Variants in DNER observed in about 807,000 individuals in gnomAD.
DNER encodes delta and Notch-like epidermal growth factor-related receptor.
In DNER, 33 loss-of-function variants were observed where a neutral mutation model predicts 78.2. The ratio of observed to expected loss-of-function variants is 0.42; its 90% CI spans 0.32 to 0.56. The LOEUF is 0.56. DNER is among the 20% of genes least tolerant of loss of function. DNER has a pLI of 0.11. For synonymous variants in DNER, 417 were observed against 384.8 expected, an observed-to-expected ratio of 1.08 and a Z score of -0.98; for missense variants, 918 against 975.3, an observed-to-expected ratio of 0.94 and a Z score of 0.78.
Position 229,528,043 on chromosome 2 carries a change from T to C in DNER, c.994-15107A>G, listed in dbSNP as rs146694030. 5.3e-3 allele frequency among the ~76,000 whole-genome samples: 812 copies of C among 152,380 alleles called. 7 individuals carry two copies. The highest frequency in any genetic ancestry group is 0.018 in the African/African-American group (754 of 41,594). On this transcript the variant is annotated intron_variant, in intron 5 of 12. Transcript: ENST00000341772. ...ACATGCCAGTGAATGGAGCATGTGC[T>C]AATGACTCGAACTCAGAAATTTAAG...
rs57321236 is a variant in DNER at position 229,519,265 on chromosome 2, G to A, written c.994-6329C>T. On this transcript the variant is annotated intron_variant, in intron 5 of 12. Transcript: ENST00000341772. ...CTGTCATTTTACCTCTCTCAGTAAC[G>A]CCTGTGTGTTGGTGAACAAATCATT... Among the ~76,000 whole-genome samples the A allele has an allele frequency of 1.1e-3, 171 of 152,162 alleles. 1 individual carries two copies. Among genetic ancestry groups the A allele is most frequent in the African/African-American group, 3.8e-3 (156 of 41,506 alleles).
At chr2:229,575,284 C>T (rs959218051) in intron 4 of DNER, among the ~76,000 whole-genome samples, 12 of 152,070 alleles carry the variant, frequency 7.9e-5, no homozygotes, top group Non-Finnish European at 1.5e-5. Flanking sequence ...CAATCCCCCA[C>T]GTAATGGATC....
chr2:229,479,830 C>G (rs1214390532), intron 6 of DNER, among the ~76,000 whole-genome samples: 1 of 152,016 alleles, frequency 6.6e-6, no homozygotes, highest in Non-Finnish European at 1.5e-5. Flanking sequence ...TTTCAAATCC[C>G]TGACTTTAAA....
intron 8 of DNER, among the ~76,000 whole-genome samples, chr2:229,433,525 C>A (rs1694061614): frequency 1.3e-5 from 2 of 152,200 alleles, no homozygotes; most frequent in Admixed American, 1.3e-4. Context: ...ATAGCTGTGG[C>A]ACAATGTGTT....
chr2:229,558,218 C>T (rs182691979), intron 4 of DNER, among the ~76,000 whole-genome samples: 249 of 152,072 alleles, frequency 1.6e-3, no homozygotes, highest in Admixed American at 7.7e-3. Context: ...CACACACTGG[C>T]GCCTTTTGGA....
At chr2:229,593,290 C>A (rs907151611) in intron 1 of DNER, among the ~76,000 whole-genome samples, 3 of 152,164 alleles carry the variant, frequency 2.0e-5, no homozygotes, top group Admixed American at 2.0e-4. Flanking sequence ...CTGTCCTCAC[C>A]CTGTCTCTCT....
intron 4 of DNER, among the ~76,000 whole-genome samples, chr2:229,558,300 TA>T (rs1432093392): frequency 1.3e-5 from 2 of 151,878 alleles, no homozygotes; most frequent in African/African-American, 2.4e-5. Context: ...ACCTGGGTGA[TA>T]AAATAATCTG....
chr2:229,518,886 C>T lies in DNER; in HGVS notation c.994-5950G>A, dbSNP rs141732472. On this transcript the variant is annotated intron_variant, in intron 5 of 12. Coordinates refer to ENST00000341772, the MANE Select transcript of DNER (RefSeq NM_139072.4). ...CCAAGAAAATTCACTCATTTAAGTG[C>T]CACAGTTTTGCTAGTCTTTAGAACT... Among the ~76,000 whole-genome samples the T allele has an allele frequency of 9.6e-4, 146 of 152,242 alleles. 1 individual carries two copies. The highest frequency in any genetic ancestry group is 3.4e-3 in the African/African-American group (140 of 41,536).
At chr2:229,641,293 A>T (rs1413899675) in intron 1 of DNER, among the ~76,000 whole-genome samples, 1 of 152,198 alleles carries the variant, frequency 6.6e-6, no homozygotes, top group Non-Finnish European at 1.5e-5. Context: ...AGTTGGATGG[A>T]TCTTTAATAG....
chr2:229,531,247 G>T (rs1486298253), intron 5 of DNER, among the ~76,000 whole-genome samples: 1 of 152,130 alleles, frequency 6.6e-6, no homozygotes. Context: ...CAGGAGTGCT[G>T]CTCTCAATCA....
At chr2:229,678,841 AGATACCTAC>A (rs1434677123) in intron 1 of DNER, among the ~76,000 whole-genome samples, 1 of 152,246 alleles carries the variant, frequency 6.6e-6, no homozygotes, top group African/African-American at 2.4e-5. Flanking sequence ...ATTGACAGAA[AGATACCTAC>A]AGACAGTTAG....
chr2:229,441,814 A>G (rs1444276894), intron 8 of DNER, among the ~76,000 whole-genome samples: 1 of 152,196 alleles, frequency 6.6e-6, no homozygotes, highest in East Asian at 1.9e-4. Flanking sequence ...TCTTAAGTCC[A>G]GCAGAAGACA....
At chr2:229,648,815 A>C (rs1698763747) in intron 1 of DNER, among the ~76,000 whole-genome samples, 1 of 152,234 alleles carries the variant, frequency 6.6e-6, no homozygotes, top group South Asian at 2.1e-4. Flanking sequence ...CAAATGCAAA[A>C]AGCTAATAGA....
chr2:229,662,314 G>A (rs1699021911), intron 1 of DNER, among the ~76,000 whole-genome samples: 1 of 152,034 alleles, frequency 6.6e-6, no homozygotes. Flanking sequence ...CATCCAAAAG[G>A]GTACACTGTT....
intron 7 of DNER, among the ~76,000 whole-genome samples, chr2:229,464,533 G>A (rs1694763872): frequency 6.6e-6 from 1 of 151,956 alleles, no homozygotes; most frequent in Admixed American, 6.6e-5. Context: ...AAAATAATTG[G>A]CTATTGACAA....
rs150247412 is a variant in DNER, at chr2:229,374,881, G to C, written c.1856-7762C>G. On this transcript the variant is annotated intron_variant, in intron 11 of 12. Transcript: ENST00000341772. ...GTTGTGTGTGTTTGTGTGTATATTAGGCTGTGTGTTACATGCAGCGTCAAG... is the reference window on the plus strand; with the variant it reads ...GTTGTGTGTGTTTGTGTGTATATTACGCTGTGTGTTACATGCAGCGTCAAG... 2.2e-4 allele frequency among the ~76,000 whole-genome samples: 33 copies of C among 152,258 alleles called. 1 individual carries two copies. In the East Asian group the frequency reaches 6.2e-3, roughly 28 times the overall value.
intron 1 of DNER, among the ~76,000 whole-genome samples, chr2:229,646,589 G>A (rs978089958): frequency 2.0e-5 from 3 of 152,276 alleles, no homozygotes; most frequent in East Asian, 3.9e-4. Flanking sequence ...ACAGATGCTC[G>A]TTACACAACA....
rs182040945 is a variant in DNER, at chr2:229,484,091, A to G, written c.1148-6838T>C. ...ACCTCTGGACCCTCCAAACTTAAAC[A>G]TTTCCTGGCACAATTATTTGTTGAA... On this transcript the variant is annotated intron_variant, in intron 6 of 12. Transcript: ENST00000341772. Among the ~76,000 whole-genome samples, 23 of 152,208 alleles carry G rather than the reference A, an allele frequency of 1.5e-4. No individual in the cohort carries two copies. In the East Asian group the frequency reaches 3.9e-3, roughly 26 times the overall value.
chr2:229,481,794 T>C (rs1695163587), intron 6 of DNER, among the ~76,000 whole-genome samples: 2 of 152,188 alleles, frequency 1.3e-5, no homozygotes, highest in African/African-American at 4.8e-5. Context: ...GAGGACCTCG[T>C]AGAAGATATA....
Sources: allele counts gnomAD v4.1 joint callset (sites outside exome capture counted in the v4.1 genomes callset), GRCh38; gene constraint gnomAD v4.1.1; transcripts MANE v1.5; gene names NCBI Gene and HGNC (gene_info 2026-07-23, HGNC 2026-07-21).